The following HEMK2 variants were observed in gnomAD, a reference collection of about 807,000 sequenced individuals.
The protein encoded by HEMK2 is HemK methyltransferase 2, ETF1 glutamine and histone H4 lysine, also known as methyltransferase HEMK2.
the HEMK2 span, among the ~76,000 whole-genome samples, chr21:28,827,230 C>T: frequency 2.6e-5 from 4 of 152,118 alleles, no homozygotes; most frequent in Non-Finnish European, 4.4e-5. Context: ...ACCTCTAAGA[C>T]GTTTTATAAT....
the HEMK2 span, chr21:28,878,059 G>C: frequency 1.4e-6 from 1 of 716,790 alleles, no homozygotes; most frequent in Non-Finnish European, 2.1e-6. Context: ...GCCTGTATTA[G>C]CTACTGTCAG....
the HEMK2 span, among the ~76,000 whole-genome samples, chr21:28,748,366 A>C: frequency 6.6e-6 from 1 of 152,254 alleles, no homozygotes; most frequent in African/African-American, 2.4e-5. Context: ...ACCTTGGTAA[A>C]AAATAATTAT....
At chr21:28,793,956 C>T in the HEMK2 span, among the ~76,000 whole-genome samples, 5 of 152,164 alleles carry the variant, frequency 3.3e-5, no homozygotes, top group African/African-American at 1.2e-4. Flanking sequence ...CCTACTGACA[C>T]CTTCATTTCA....
At chr21:28,731,852 C>T in the HEMK2 span, among the ~76,000 whole-genome samples, 155 of 152,248 alleles carry the variant, frequency 1.0e-3, 3 homozygotes, top group East Asian at 0.021. Context: ...CACCTGCAAG[C>T]TGTCTGGGAA....
the HEMK2 span, among the ~76,000 whole-genome samples, chr21:28,864,208 A>G: frequency 1.3e-5 from 2 of 152,306 alleles, no homozygotes; most frequent in African/African-American, 2.4e-5. Context: ...TTATAGCAAC[A>G]TAAGAGCTGG....
chr21:28,801,812 C>T, the HEMK2 span, among the ~76,000 whole-genome samples: 7 of 152,060 alleles, frequency 4.6e-5, no homozygotes, highest in Admixed American at 1.3e-4. Flanking sequence ...TTCAATAACA[C>T]TTATAAGAAG....
chr21:28,733,130 T>C, the HEMK2 span, among the ~76,000 whole-genome samples: 2,491 of 151,884 alleles, frequency 0.016, 71 homozygotes, highest in African/African-American at 0.056. Context: ...ATACAAAAAA[T>C]TAGCCGGGCG....
At chr21:28,686,434 T>G in the HEMK2 span, among the ~76,000 whole-genome samples, 1 of 151,960 alleles carries the variant, frequency 6.6e-6, no homozygotes, top group African/African-American at 2.4e-5. Context: ...GGGGTTTCAC[T>G]GTGTTGGCCA....
At chr21:28,603,927 C>A in the HEMK2 span, among the ~76,000 whole-genome samples, 1 of 152,216 alleles carries the variant, frequency 6.6e-6, no homozygotes, top group African/African-American at 2.4e-5. Flanking sequence ...TGGTGGCGAG[C>A]CATGCAGGTG....
chr21:28,785,217 T>G, the HEMK2 span, among the ~76,000 whole-genome samples: 1 of 152,128 alleles, frequency 6.6e-6, no homozygotes, highest in Non-Finnish European at 1.5e-5. Flanking sequence ...ACCGCAAGGG[T>G]CCGCGGCTTC....
chr21:28,756,633 G>C, the HEMK2 span, among the ~76,000 whole-genome samples: 1 of 152,186 alleles, frequency 6.6e-6, no homozygotes, highest in Non-Finnish European at 1.5e-5. Flanking sequence ...TTTTGCCAGA[G>C]AGTTTAGCTA....
the HEMK2 span, among the ~76,000 whole-genome samples, chr21:28,754,909 A>T: frequency 2.4e-4 from 37 of 152,226 alleles, no homozygotes; most frequent in Non-Finnish European, 4.9e-4. Flanking sequence ...AGGCTTTAGA[A>T]GAGGCAAGAA....
At chr21:28,626,041 C>T in the HEMK2 span, among the ~76,000 whole-genome samples, 1 of 151,890 alleles carries the variant, frequency 6.6e-6, no homozygotes, top group Non-Finnish European at 1.5e-5. Flanking sequence ...CTGAAATATA[C>T]CAGGATTGAA....
chr21:28,847,010 C>T, the HEMK2 span, among the ~76,000 whole-genome samples: 1 of 152,070 alleles, frequency 6.6e-6, no homozygotes. Flanking sequence ...TATATATGTA[C>T]CATATTTTCT....
chr21:28,679,075 C>T, the HEMK2 span, among the ~76,000 whole-genome samples: 2 of 152,138 alleles, frequency 1.3e-5, no homozygotes, highest in Non-Finnish European at 2.9e-5. Context: ...GGGCTAAATG[C>T]TCCAATTAAA....
chr21:28,775,343 C>A, the HEMK2 span, among the ~76,000 whole-genome samples: 1 of 152,142 alleles, frequency 6.6e-6, no homozygotes, highest in Non-Finnish European at 1.5e-5. Flanking sequence ...AGAGTTTGAA[C>A]TTGTTGAGAC....
chr21:28,773,239 A>G, the HEMK2 span, among the ~76,000 whole-genome samples: 1 of 152,150 alleles, frequency 6.6e-6, no homozygotes, highest in Non-Finnish European at 1.5e-5. Flanking sequence ...AATGCACTGA[A>G]TATTTGGCCT....
chr21:28,783,405 G>C, the HEMK2 span, among the ~76,000 whole-genome samples: 7 of 152,202 alleles, frequency 4.6e-5, no homozygotes, highest in East Asian at 1.4e-3. Context: ...GGCTGGTCTC[G>C]AACTCCTGAC....
At chr21:28,842,896 C>T in the HEMK2 span, among the ~76,000 whole-genome samples, 1 of 152,016 alleles carries the variant, frequency 6.6e-6, no homozygotes, top group African/African-American at 2.4e-5. Flanking sequence ...ATGTAAAAAC[C>T]TGCTGCTAAG....
Sources: gnomAD v4.1 joint callset for allele counts (sites outside exome capture counted in the v4.1 genomes callset) on GRCh38, gnomAD v4.1.1 for gene constraint, MANE v1.5 for transcripts, NCBI Gene and HGNC (gene_info 2026-07-23, HGNC 2026-07-21) for gene names.